CHSY3: variants seen among roughly 807,000 people sequenced by gnomAD.
The protein encoded by CHSY3 is N-acetylgalactosaminyl-proteoglycan 3-beta-glucuronosyltransferase 3.
A neutral mutation model predicts 67.2 loss-of-function variants in CHSY3; 35 were observed. That is an observed-to-expected ratio of 0.52 (90% CI 0.40 to 0.69). CHSY3 has a LOEUF of 0.69. CHSY3 is among the 30% of genes least tolerant of loss of function. CHSY3 has a pLI of 0.00. For missense variants in CHSY3, 1,069 were observed against 1,138.5 expected, an observed-to-expected ratio of 0.94 and a Z score of 0.88; for synonymous variants, 474 against 434.7, an observed-to-expected ratio of 1.09 and a Z score of -1.12.
At chr5:129,956,452 A>G (rs1391845537) in intron 2 of CHSY3, among the ~76,000 whole-genome samples, 2 of 152,102 alleles carry the variant, frequency 1.3e-5, no homozygotes, top group Non-Finnish European at 2.9e-5. Context: ...GATGCTGAAT[A>G]TTAGTCTTTT....
chr5:130,024,997 G>A (rs1458302083), intron 2 of CHSY3, among the ~76,000 whole-genome samples: 2 of 152,142 alleles, frequency 1.3e-5, no homozygotes, highest in African/African-American at 4.8e-5. Flanking sequence ...AATGTTTGAT[G>A]AGTGATTGAT....
At chr5:129,994,375 A>ACATAGT (rs1292484650) in intron 2 of CHSY3, among the ~76,000 whole-genome samples, 1 of 152,112 alleles carries the variant, frequency 6.6e-6, no homozygotes, top group African/African-American at 2.4e-5. Context: ...TGGTCTTTTC[A>ACATAGT]CATAGTCCCA....
At chr5:130,006,302 G>A (rs192552499) in intron 2 of CHSY3, among the ~76,000 whole-genome samples, 1 of 152,262 alleles carries the variant, frequency 6.6e-6, no homozygotes, top group Admixed American at 6.5e-5. Flanking sequence ...TGCAAACCTG[G>A]TGTGAGAGAG....
rs570094578 is a variant in CHSY3, at chr5:129,954,329, A to G, written c.1086+45969A>G. 3.9e-5 allele frequency among the ~76,000 whole-genome samples: 6 copies of G among 152,070 alleles called. No homozygotes were observed. In the South Asian group the frequency reaches 1.2e-3, roughly 32 times the overall value. ...ATTTCTGAGGCCTCTGTTCTGTTCC[A>G]TTGGTCTATATATCTGTTTTGGTAC... On this transcript the variant is annotated intron_variant, in intron 2 of 2. Transcript: ENST00000305031.
chr5:130,018,109 C>T (rs908311723), intron 2 of CHSY3, among the ~76,000 whole-genome samples: 1 of 152,068 alleles, frequency 6.6e-6, no homozygotes, highest in Non-Finnish European at 1.5e-5. Context: ...GCTCCTTACT[C>T]AACTATTTTG....
At chr5:130,121,252 C>G (rs1768012417) in intron 2 of CHSY3, among the ~76,000 whole-genome samples, 1 of 152,082 alleles carries the variant, frequency 6.6e-6, no homozygotes, top group African/African-American at 2.4e-5. Flanking sequence ...TAATCGTGTT[C>G]TTAGCATATA....
intron 2 of CHSY3, among the ~76,000 whole-genome samples, chr5:130,160,909 A>ATTTT (rs760822099): frequency 7.3e-6 from 1 of 136,214 alleles, no homozygotes; most frequent in East Asian, 2.1e-4. Flanking sequence ...TTTTTTTTTT[A>ATTTT]TTTTTTTTTT....
chr5:130,132,676 G>C (rs1188881120), intron 2 of CHSY3, among the ~76,000 whole-genome samples: 1 of 152,088 alleles, frequency 6.6e-6, no homozygotes, highest in East Asian at 1.9e-4. Context: ...CTCAACAGAG[G>C]GCAATTTTGT....
chr5:129,928,888 A>G lies in CHSY3; in HGVS notation c.1086+20528A>G, dbSNP rs1028596997. On this transcript the variant is annotated intron_variant, in intron 2 of 2. Transcript: ENST00000305031. ...GTGAGTTCTTTGCCCTATGCCACAA[A>G]TGAGGGAACAGGCTCAGAGAAATTT... Among the ~76,000 whole-genome samples, 82 of 152,244 alleles carry G rather than the reference A, an allele frequency of 5.4e-4. 1 individual carries two copies. Among genetic ancestry groups the G allele is most frequent in the African/African-American group, 1.9e-3 (81 of 41,566 alleles).
intron 2 of CHSY3, among the ~76,000 whole-genome samples, chr5:129,963,422 T>C (rs1762389459): frequency 6.6e-6 from 1 of 152,044 alleles, no homozygotes; most frequent in Non-Finnish European, 1.5e-5. Context: ...AGCAGCTCCT[T>C]GTTCTGATTT....
At chr5:130,141,678 TGAA>T (rs1473042919) in intron 2 of CHSY3, 9 of 529,460 alleles carry the variant, frequency 1.7e-5, no homozygotes, top group Non-Finnish European at 3.4e-5. Flanking sequence ...AAGCAGCTGT[TGAA>T]GATGAGAAAC....
At chr5:130,146,539 C>G (rs1769079978) in intron 2 of CHSY3, among the ~76,000 whole-genome samples, 2 of 151,916 alleles carry the variant, frequency 1.3e-5, no homozygotes, top group Non-Finnish European at 2.9e-5. Context: ...TTCTATTATA[C>G]AGTAGAGTTA....
chr5:129,939,922 A>C (rs1246653193), intron 2 of CHSY3, among the ~76,000 whole-genome samples: 1 of 152,194 alleles, frequency 6.6e-6, no homozygotes, highest in African/African-American at 2.4e-5. Flanking sequence ...AGATATTCCC[A>C]TTCACTAGGG....
intron 2 of CHSY3, among the ~76,000 whole-genome samples, chr5:129,971,174 G>A (rs1226028509): frequency 6.6e-6 from 1 of 151,694 alleles, no homozygotes; most frequent in Non-Finnish European, 1.5e-5. Context: ...GTAATAAGAT[G>A]GAAGTAACTC....
chr5:130,140,450 T>A, intron 2 of CHSY3: 11 of 1,107,530 alleles, frequency 9.9e-6, no homozygotes, highest in Non-Finnish European at 1.4e-5. Context: ...ACCAATGCTG[T>A]GGTCACAGTG....
At chr5:130,108,810 T>A (rs947940562) in intron 2 of CHSY3, among the ~76,000 whole-genome samples, 1 of 151,730 alleles carries the variant, frequency 6.6e-6, no homozygotes, top group African/African-American at 2.4e-5. Context: ...TTAAGCATTT[T>A]ATCCACAAGT....
At chr5:129,985,108 C>G (rs1763146553) in intron 2 of CHSY3, among the ~76,000 whole-genome samples, 1 of 152,038 alleles carries the variant, frequency 6.6e-6, no homozygotes. Flanking sequence ...GGCTAGTGCC[C>G]CAGATAGTAT....
intron 2 of CHSY3, among the ~76,000 whole-genome samples, chr5:130,122,502 T>G (rs573630480): frequency 6.6e-6 from 1 of 152,244 alleles, no homozygotes; most frequent in South Asian, 2.1e-4. Flanking sequence ...TAACAGCCTG[T>G]GGCAAGTAGC....
chr5:130,144,071 C>G (rs994585191), intron 2 of CHSY3, among the ~76,000 whole-genome samples: 6 of 150,308 alleles, frequency 4.0e-5, no homozygotes, highest in Admixed American at 6.7e-5. Flanking sequence ...TTGTGGGTGG[C>G]CTTAGATTTC....
Sources: gnomAD v4.1 joint callset for allele counts (sites outside exome capture counted in the v4.1 genomes callset) on GRCh38, gnomAD v4.1.1 for gene constraint, MANE v1.5 for transcripts, NCBI Gene and HGNC (gene_info 2026-07-23, HGNC 2026-07-21) for gene names.